The following CASZ1 variants were observed in gnomAD, a reference collection of about 807,000 sequenced individuals.
CASZ1 encodes the protein zinc finger protein castor homolog 1.
Under a neutral mutation model 135.2 loss-of-function variants are expected in CASZ1, and 28 were observed. The observed-to-expected ratio is 0.21, with a 90% CI of 0.15 to 0.28. The LOEUF is 0.28. Among genes scored for constraint, CASZ1 ranks in the 10% least tolerant of loss-of-function variants. CASZ1 has a pLI of 1.00. For missense variants in CASZ1, 2,161 were observed against 2,453.3 expected (o/e 0.88, Z 2.52); for synonymous variants, 1,068 against 1,073.4 (o/e 0.99, Z 0.10).
rs1473285713 is a variant in CASZ1 at position 10,726,581 on chromosome 1, G to A, written c.-76-21037C>T. Among the ~76,000 whole-genome samples, 2 of 152,232 alleles carry A rather than the reference G, an allele frequency of 1.3e-5. No homozygotes were observed. The highest frequency in any genetic ancestry group is 2.1e-4 in the South Asian group (1 of 4,828). Reference sequence around the variant, plus strand: ...TCCGGCCAGAGGAAACACCGGGCACGGGGAATGGAGCCCTCGCCAGCGTCT... The same window carrying A: ...TCCGGCCAGAGGAAACACCGGGCACAGGGAATGGAGCCCTCGCCAGCGTCT... On this transcript the variant is annotated intron_variant, in intron 2 of 20. Transcript: ENST00000377022. This position sits in a 1 kb window ranked among gnomAD's most constrained non-coding sequence, Gnocchi z 5.7.
chr1:10,646,151 G>A lies in CASZ1; in HGVS notation c.3673C>T (p.Leu1225=), dbSNP rs780802816. 5.0e-6 allele frequency: 8 copies of A among 1,614,086 alleles called. No individual in the cohort carries two copies. Among genetic ancestry groups the A allele is most frequent in the Non-Finnish European group, 5.9e-6 (7 of 1,180,040 alleles). ...NVRDQFAYYS[L]QCLCPNQHCE... ...ACCTGGTTGGGACAGAGACACTGCA[G>A]AGAGTAGTATGCAAACTGGTCTCGC... Residue 1225 remains leucine, a synonymous_variant, in exon 17 of 21, where the codon CTG becomes TTG. Transcript: ENST00000377022. This position sits in a 1 kb window ranked among gnomAD's most constrained non-coding sequence, Gnocchi z 6.4.
rs933793420 is a variant in CASZ1, at chr1:10,701,239, G to A, written c.-24+4253C>T. Among the ~76,000 whole-genome samples, 1 of 152,108 alleles carries A rather than the reference G, an allele frequency of 6.6e-6. No homozygotes were observed. The highest frequency in any genetic ancestry group is 1.5e-5 in the Non-Finnish European group (1 of 68,012). ...GGCCCTCCTCCTGCCTCCTGCCCGG[G>A]TCCCTGGAGAGGAGGCTGCCCACCG... On this transcript the variant is annotated intron_variant, in intron 3 of 20. Transcript: ENST00000377022. This position sits in a 1 kb window ranked among gnomAD's most constrained non-coding sequence, Gnocchi z 6.3.
chr1:10,691,005 C>A (rs1051793128), intron 4 of CASZ1, among the ~76,000 whole-genome samples: 3 of 152,066 alleles, frequency 2.0e-5, no homozygotes, highest in Non-Finnish European at 2.9e-5. Context: ...CCCCTCCCCC[C>A]TTCCCGCTCC....
intron 4 of CASZ1, among the ~76,000 whole-genome samples, chr1:10,673,287 G>C (rs1643465522): frequency 6.6e-6 from 1 of 152,180 alleles, no homozygotes; most frequent in African/African-American, 2.4e-5. Flanking sequence ...CTGTCCAATG[G>C]GCTGGCGGAG....
intron 14 of CASZ1, 32 bp from the exon 15 acceptor site, chr1:10,649,224 CT>C (rs1364674186): frequency 5.0e-6 from 8 of 1,610,576 alleles, no homozygotes; most frequent in Non-Finnish European, 5.9e-6. Flanking sequence ...AGAGGAGAGC[CT>C]GGGGCTCCAG....
rs1348554362 is a variant in CASZ1, at chr1:10,656,559, C to A, written c.1500+87G>T. 24 of 1,002,826 alleles carry A rather than the reference C, an allele frequency of 2.4e-5. No homozygotes were observed. In the South Asian group the frequency reaches 3.2e-4, roughly 13 times the overall value. 62.1% of individuals were successfully genotyped at this position (1,002,826 alleles called of 1,614,324 possible). On this transcript the variant is annotated intron_variant, in intron 8 of 20. Coordinates refer to ENST00000377022, the MANE Select transcript of CASZ1 (RefSeq NM_001079843.3). Reference sequence around the variant, plus strand: ...GTGGTGCAACTAGAACTAACCCCCCCCACTGCCGTCCCCGCCTGCCGACTT... The same window carrying A: ...GTGGTGCAACTAGAACTAACCCCCCACACTGCCGTCCCCGCCTGCCGACTT...
At position 10,658,296 on chromosome 1, in the gene CASZ1, T is replaced by C. The variant is rs562931934; in HGVS notation, c.1409+212A>G. ...CTGGGGGCACAGGCTGCTGAGGGAA[T>C]GTGTGGCCTGGACTACACAGAGCGG... is the stretch of plus-strand genomic sequence containing the variant. On this transcript the variant is annotated intron_variant, in intron 7 of 20. Coordinates refer to ENST00000377022, the MANE Select transcript of CASZ1 (RefSeq NM_001079843.3). The C allele has an allele frequency of 2.2e-5, 12 of 552,728 alleles. No homozygotes were observed. In the South Asian group the frequency reaches 2.5e-4, roughly 12 times the overall value. The allele number at this position is 552,728 out of a possible 1,614,324, so 34.2% of individuals were successfully genotyped here.
chr1:10,707,642 G>T lies in CASZ1; in HGVS notation c.-76-2098C>A, dbSNP rs1025096318. Among the ~76,000 whole-genome samples, 1 of 152,108 alleles carries T rather than the reference G, an allele frequency of 6.6e-6. No individual in the cohort carries two copies. Among genetic ancestry groups the T allele is most frequent in the Non-Finnish European group, 1.5e-5 (1 of 68,014 alleles). On this transcript the variant is annotated intron_variant, in intron 2 of 20. Transcript: ENST00000377022. The surrounding 1 kb of genome is among the most constrained non-coding windows in gnomAD (Gnocchi z 5.0). ...AGGTGTCCTGGCTGATGGGAGCAGG[G>T]AAGCTGTCCCTGGGTGGGATCTGGG...
intron 2 of CASZ1, among the ~76,000 whole-genome samples, chr1:10,734,505 G>A (rs1305077151): frequency 6.6e-6 from 1 of 152,088 alleles, no homozygotes; most frequent in Non-Finnish European, 1.5e-5. Flanking sequence ...GAATTCTCTA[G>A]GGCATGTGGA....
In CASZ1 at chr1:10,639,029, C is replaced by T. The variant is rs1334086135; in HGVS notation, c.5193G>A (p.Ala1731=). Residue 1731 remains alanine, a synonymous_variant, in exon 21 of 21, where the codon GCG becomes GCA. Transcript: ENST00000377022. The surrounding 1 kb of genome is among the most constrained non-coding windows in gnomAD (Gnocchi z 4.0). ...ESLPEAAAEA[A]GAGARTPALA... ...AGGCCGGGGTCCGCGCGCCCGCGCC[C>T]GCCGCCTCCGCCGCCGCCTCGGGCA... is the stretch of plus-strand genomic sequence containing the variant. The T allele has an allele frequency of 9.7e-7, 1 of 1,029,176 alleles. No homozygotes were observed. Among genetic ancestry groups the T allele is most frequent in the Non-Finnish European group, 1.2e-6 (1 of 849,904 alleles). The allele number at this position is 1,029,176 out of a possible 1,614,324, so 63.8% of individuals were successfully genotyped here.
intron 1 of CASZ1, among the ~76,000 whole-genome samples, chr1:10,775,646 G>A (rs772796044): frequency 2.0e-5 from 3 of 152,174 alleles, no homozygotes; most frequent in Non-Finnish European, 2.9e-5. Flanking sequence ...GGACGGGTGT[G>A]AACGGGAGCA....
At position 10,658,495 on chromosome 1, in the gene CASZ1, C is replaced by T; in HGVS notation, c.1409+13G>A. ...ACCTTCTCTCCACGGCAGGCTCCTC[C>T]CCAGGGGCCTACCTGGCAATATATT... On this transcript the variant is annotated intron_variant, in intron 7 of 20. Coordinates refer to ENST00000377022, the MANE Select transcript of CASZ1 (RefSeq NM_001079843.3). 1 of 1,609,788 alleles carries T rather than the reference C, an allele frequency of 6.2e-7. No homozygotes were observed.
intron 6 of CASZ1, among the ~76,000 whole-genome samples, 198 bp downstream of exon 6, chr1:10,659,504 G>A (rs940348301): frequency 6.6e-6 from 1 of 152,248 alleles, no homozygotes; most frequent in Non-Finnish European, 1.5e-5. Context: ...AAGAGTGAAT[G>A]TGAGTGCGGC....
At chr1:10,693,757 A>T in intron 4 of CASZ1, 117 bp downstream of exon 4, 1 of 496,408 alleles carries the variant, frequency 2.0e-6, no homozygotes, top group Non-Finnish European at 4.0e-6. Context: ...CAGCCGCCCG[A>T]CCCTCCCGGC....
At chr1:10,792,174 A>C (rs1177095031) in intron 1 of CASZ1, among the ~76,000 whole-genome samples, 3 of 146,834 alleles carry the variant, frequency 2.0e-5, no homozygotes, top group East Asian at 2.2e-4. Context: ...AAAAAAAAAA[A>C]CTCAAGTATT....
chr1:10,654,101 C>T lies in CASZ1; in HGVS notation c.1956G>A (p.Glu652=), dbSNP rs758535939. The change falls in exon 11 of 21, where the codon GAG becomes GAA. Residue 652 remains glutamate, a synonymous_variant. Transcript: ENST00000377022. The stretch of plus-strand genomic sequence containing the variant: ...ACACGCAGCCCTCGTACTTGCACTC[C>T]TCGTACTTGTAGAACTTCTTGAAGC... The part of the protein sequence containing the change: ...KDGFKKFYKY[E]ECKYEGCVYS... 1.2e-5 allele frequency: 20 copies of T among 1,614,218 alleles called. No homozygotes were observed. In the South Asian group the frequency reaches 2.2e-4, roughly 18 times the overall value.
At chr1:10,715,531 C>T (rs576346855) in intron 2 of CASZ1, among the ~76,000 whole-genome samples, 109 of 148,194 alleles carry the variant, frequency 7.4e-4, no homozygotes, top group African/African-American at 2.7e-3. Flanking sequence ...GCACCCAATC[C>T]GCCCCCCACA....
intron 15 of CASZ1, 39 bp downstream of exon 15, chr1:10,649,031 G>A (rs764585287): frequency 5.0e-6 from 8 of 1,604,972 alleles, no homozygotes; most frequent in Admixed American, 3.3e-5. Context: ...GCTGGGATCC[G>A]TGGGGCTCTG....
Position 10,637,821 on chromosome 1 carries a change from GA to G in CASZ1, c.*1120del, listed in dbSNP as rs199867187. 0.29 allele frequency: 41,769 copies of G among 143,986 alleles called. 6,106 individuals are homozygous for G. The highest frequency in any genetic ancestry group is 0.4 in the South Asian group (1,812 of 4,566). 8.9% of individuals were successfully genotyped at this position (143,986 alleles called of 1,614,324 possible). ...CCAAACAAAGTAATAAAACAAACTGGAAAAAAAAAAAAGCCCTATAAAGCCA... is the reference window on the plus strand; with the variant it reads ...CCAAACAAAGTAATAAAACAAACTGGAAAAAAAAAAAGCCCTATAAAGCCA... On this transcript the variant is annotated 3_prime_UTR_variant, in exon 21 of 21. Coordinates refer to ENST00000377022, the MANE Select transcript of CASZ1 (RefSeq NM_001079843.3).
Sources: gnomAD v4.1 joint callset for allele counts (sites outside exome capture counted in the v4.1 genomes callset) on GRCh38, gnomAD v4.1.1 for gene constraint, Gnocchi (gnomAD v3.1) non-coding constraint, MANE v1.5 for transcripts, NCBI Gene and HGNC (gene_info 2026-07-23, HGNC 2026-07-21) for gene names.